Variants in ARHGEF3 observed in about 807,000 individuals in gnomAD.
The protein encoded by ARHGEF3 is 59.8 kDA protein.
Under a neutral mutation model 63.2 loss-of-function variants are expected in ARHGEF3, and 28 were observed. The observed-to-expected ratio is 0.44, with a 90% CI of 0.33 to 0.61. ARHGEF3 has a LOEUF of 0.61. Ranked by LOEUF, ARHGEF3 falls within the 20% of genes least tolerant of loss-of-function variation. The pLI, the probability that ARHGEF3 is intolerant of heterozygous loss-of-function variation, is 0.03. For synonymous variants in ARHGEF3, 266 were observed against 254.2 expected (o/e 1.05, Z -0.44); for missense variants, 533 against 659.3 (o/e 0.81, Z 2.10).
intron 4 of ARHGEF3, among the ~76,000 whole-genome samples, chr3:56,860,232 T>C (rs554983199): frequency 6.6e-6 from 1 of 152,266 alleles, no homozygotes; most frequent in East Asian, 1.9e-4. Flanking sequence ...GGATGGAGTG[T>C]AGTGGTACGA....
chr3:56,963,418 G>A (rs1038385038), intron 2 of ARHGEF3, among the ~76,000 whole-genome samples: 9 of 152,146 alleles, frequency 5.9e-5, no homozygotes, highest in African/African-American at 2.2e-4. Flanking sequence ...AGGCTTCAAT[G>A]TGTTATGAAT....
chr3:57,012,137 AC>A (rs1229608899), intron 2 of ARHGEF3, among the ~76,000 whole-genome samples: 1 of 152,174 alleles, frequency 6.6e-6, no homozygotes, highest in African/African-American at 2.4e-5. Context: ...CTGCCTCAAA[AC>A]CCAAGAGCCA....
chr3:57,017,498 G>C (rs757548205), intron 2 of ARHGEF3, among the ~76,000 whole-genome samples: 7 of 152,182 alleles, frequency 4.6e-5, no homozygotes, highest in African/African-American at 7.2e-5. Flanking sequence ...AAAATAAAAA[G>C]GCCGAGCCCA....
chr3:57,029,780 T>C (rs1225248278), intron 2 of ARHGEF3, among the ~76,000 whole-genome samples: 4 of 152,174 alleles, frequency 2.6e-5, no homozygotes, highest in African/African-American at 7.2e-5. Flanking sequence ...CTTAGAGAGA[T>C]GTCGCCTTGC....
chr3:56,972,813 G>A (rs1700971043), intron 2 of ARHGEF3, among the ~76,000 whole-genome samples: 1 of 151,972 alleles, frequency 6.6e-6, no homozygotes, highest in South Asian at 2.1e-4. Context: ...GGCCACTGGA[G>A]GATTCCGAGC....
intron 4 of ARHGEF3, among the ~76,000 whole-genome samples, chr3:56,881,921 G>A (rs1375489357): frequency 1.3e-5 from 2 of 152,214 alleles, no homozygotes; most frequent in Non-Finnish European, 1.5e-5. Context: ...CCATCCGGCT[G>A]CCTGAGCTGG....
At chr3:56,916,435 T>C in intron 3 of ARHGEF3, 1 of 1,441,712 alleles carries the variant, frequency 6.9e-7, no homozygotes, top group South Asian at 1.4e-5. Flanking sequence ...GAGCATAGTT[T>C]CCCTGAAGGA....
chr3:56,920,916 G>C (rs530025690), intron 3 of ARHGEF3, among the ~76,000 whole-genome samples: 1 of 151,880 alleles, frequency 6.6e-6, no homozygotes, highest in Non-Finnish European at 1.5e-5. Context: ...TTAGCCAGGC[G>C]TGGTGGCGGG....
chr3:56,737,382 T>A, intron 7 of ARHGEF3, 27 bp from the exon 8 acceptor site: 1 of 1,585,190 alleles, frequency 6.3e-7, no homozygotes, highest in Non-Finnish European at 8.6e-7. Context: ...GAAAATTAAG[T>A]ATGGAGGAAA....
chr3:56,848,062 C>A (rs779680315), intron 4 of ARHGEF3, among the ~76,000 whole-genome samples: 29 of 151,916 alleles, frequency 1.9e-4, no homozygotes, highest in Non-Finnish European at 3.7e-4. Context: ...CACTGGGGAG[C>A]AAAGAAAGGG....
At chr3:57,058,318 T>C (rs965183179) in intron 1 of ARHGEF3, among the ~76,000 whole-genome samples, 6 of 152,240 alleles carry the variant, frequency 3.9e-5, no homozygotes, top group African/African-American at 1.2e-4. Flanking sequence ...CTTTTTGAAA[T>C]GCCATTACAG....
chr3:57,064,255 G>T (rs1705399438), intron 1 of ARHGEF3, among the ~76,000 whole-genome samples: 1 of 152,104 alleles, frequency 6.6e-6, no homozygotes, highest in South Asian at 2.1e-4. Context: ...ACAGAGTGAG[G>T]CCCCGTCTCA....
At chr3:56,815,888 G>A (rs1430283565) in intron 4 of ARHGEF3, among the ~76,000 whole-genome samples, 3 of 152,124 alleles carry the variant, frequency 2.0e-5, no homozygotes, top group Non-Finnish European at 4.4e-5. Context: ...CATCTAAGTG[G>A]TAGGGCCATA....
At chr3:56,891,404 C>T (rs994197375) in intron 3 of ARHGEF3, among the ~76,000 whole-genome samples, 1 of 151,392 alleles carries the variant, frequency 6.6e-6, no homozygotes, top group African/African-American at 2.4e-5. Context: ...GATCCAGGAA[C>T]CCCAGTCCTT....
chr3:56,784,608 G>A (rs911891679), intron 1 of ARHGEF3, among the ~76,000 whole-genome samples: 3 of 152,150 alleles, frequency 2.0e-5, no homozygotes, highest in African/African-American at 7.2e-5. Context: ...GGATTCCCTC[G>A]CTTCCCCTTG....
intron 2 of ARHGEF3, among the ~76,000 whole-genome samples, chr3:57,028,167 T>C (rs1703554970): frequency 1.3e-5 from 2 of 150,452 alleles, no homozygotes; most frequent in Non-Finnish European, 1.5e-5. Flanking sequence ...AGAAATACCA[T>C]TTGACCCAGC....
intron 3 of ARHGEF3, among the ~76,000 whole-genome samples, chr3:56,948,734 A>T (rs1279323512): frequency 1.3e-5 from 2 of 152,218 alleles, no homozygotes; most frequent in Admixed American, 1.3e-4. Flanking sequence ...TTCTGAAACT[A>T]TTCCAATCAA....
chr3:56,763,434 A>G (rs887021530), intron 2 of ARHGEF3, among the ~76,000 whole-genome samples: 8 of 152,204 alleles, frequency 5.3e-5, no homozygotes, highest in African/African-American at 1.9e-4. Context: ...TAGGGAAAGA[A>G]AAGCCCTCAG....
At chr3:57,015,722 G>A (rs749831603) in intron 2 of ARHGEF3, among the ~76,000 whole-genome samples, 1 of 151,684 alleles carries the variant, frequency 6.6e-6, no homozygotes, top group Non-Finnish European at 1.5e-5. Flanking sequence ...GATTATAGGC[G>A]TGAGCCACTG....
Sources: allele counts gnomAD v4.1 joint callset (sites outside exome capture counted in the v4.1 genomes callset), GRCh38; gene constraint gnomAD v4.1.1; transcripts MANE v1.5; gene names NCBI Gene and HGNC (gene_info 2026-07-23, HGNC 2026-07-21).